The following ADGRL3 variants were observed in gnomAD, a reference collection of about 807,000 sequenced individuals.
The protein encoded by ADGRL3 is calcium-independent alpha-latrotoxin receptor 3.
Under a neutral mutation model 153.5 loss-of-function variants are expected in ADGRL3, and 62 were observed. That is an observed-to-expected ratio of 0.40 (90% confidence interval 0.33 to 0.50). ADGRL3 has a LOEUF of 0.50. Ranked by LOEUF, ADGRL3 falls within the 20% of genes least tolerant of loss-of-function variation. The probability of loss-of-function intolerance (pLI) is 0.47; values close to 1 mark genes in which losing one functional copy is unlikely to be tolerated. For missense variants in ADGRL3, 1,641 were observed against 1,859.4 expected (o/e 0.88, Z 2.16); for synonymous variants, 710 against 672.5 (o/e 1.06, Z -0.86).
intron 1 of ADGRL3, among the ~76,000 whole-genome samples, chr4:61,361,319 T>C (rs2096278610): frequency 6.6e-6 from 1 of 152,102 alleles, no homozygotes; most frequent in South Asian, 2.1e-4. Context: ...CAGAGAAAAA[T>C]AACAGCATCA....
At chr4:61,432,636 TTCTTTCTTTCTTTC>T (rs2097380414) in intron 2 of ADGRL3, among the ~76,000 whole-genome samples, 4 of 83,680 alleles carry the variant, frequency 4.8e-5, no homozygotes, top group Non-Finnish European at 1.0e-4. Flanking sequence ...CTTTCTTTCT[TTCTTTCTTTCTTTC>T]TTTCTTTTTT....
chr4:62,064,312 T>C (rs1180942416), intron 25 of ADGRL3, among the ~76,000 whole-genome samples: 2 of 151,444 alleles, frequency 1.3e-5, no homozygotes, highest in Non-Finnish European at 2.9e-5. Context: ...AGCTTGAAAA[T>C]GATCCAAAAA....
chr4:61,348,607 G>T (rs148591478), intron 1 of ADGRL3, among the ~76,000 whole-genome samples: 2,469 of 152,014 alleles, frequency 0.016, 60 homozygotes, highest in African/African-American at 0.052. Context: ...CAGAATTAAG[G>T]TTATTTAATT....
rs573616147 is a variant in ADGRL3 at position 61,368,793 on chromosome 4, G to A, written c.-239-14331G>A. 2.4e-4 allele frequency among the ~76,000 whole-genome samples: 37 copies of A among 152,228 alleles called. No homozygotes were observed. The East Asian group carries it at 5.8e-3, about 24-fold the overall frequency. On this transcript the variant is annotated intron_variant, in intron 1 of 26. Transcript: ENST00000683033. ...AGGCATTGGTAGCTTGAGGGGGATG[G>A]CATTGAATCTGTAAATTACCTTGGG...
intron 8 of ADGRL3, among the ~76,000 whole-genome samples, chr4:61,799,388 T>G (rs1218205207): frequency 6.6e-6 from 1 of 152,078 alleles, no homozygotes; most frequent in Non-Finnish European, 1.5e-5. Context: ...TGGAAGTACT[T>G]CTGCTGCAGC....
rs150974240 is a variant in ADGRL3 at position 61,508,473 on chromosome 4, G to A, written c.56-8842G>A. Among the ~76,000 whole-genome samples, 352 of 152,212 alleles carry A rather than the reference G, an allele frequency of 2.3e-3. 2 individuals are homozygous for A. Among genetic ancestry groups the A allele is most frequent in the African/African-American group, 7.9e-3 (329 of 41,544 alleles). On this transcript the variant is annotated intron_variant, in intron 3 of 26. Transcript: ENST00000683033. ...CTGATAATGACTCTAATGAGTAAAA[G>A]CAGACTATTTATTCTTTTATAAATA... is the stretch of plus-strand genomic sequence containing the variant.
intron 2 of ADGRL3, among the ~76,000 whole-genome samples, 190 bp downstream of exon 2, chr4:61,383,379 A>G (rs571606950): frequency 6.6e-6 from 1 of 151,880 alleles, no homozygotes; most frequent in East Asian, 1.9e-4. Flanking sequence ...CATTTTCCAA[A>G]AATCATATTT....
chr4:61,620,327 G>A (rs188658230), intron 5 of ADGRL3, among the ~76,000 whole-genome samples: 131 of 152,172 alleles, frequency 8.6e-4, no homozygotes, highest in African/African-American at 3.0e-3. Context: ...ATGGATGAGT[G>A]GTAACTAATT....
intron 8 of ADGRL3, among the ~76,000 whole-genome samples, chr4:61,748,738 A>T (rs1029825689): frequency 2.6e-5 from 4 of 152,274 alleles, no homozygotes; most frequent in African/African-American, 7.2e-5. Flanking sequence ...TAAATGTTAG[A>T]CCTAAAATCA....
At chr4:61,782,593 C>T (rs188688362) in intron 8 of ADGRL3, among the ~76,000 whole-genome samples, 36 of 152,160 alleles carry the variant, frequency 2.4e-4, no homozygotes, top group South Asian at 1.5e-3. Flanking sequence ...AAGAATAGTA[C>T]GGATAAATAC....
Position 61,683,144 on chromosome 4 carries a change from G to A in ADGRL3, c.583+6209G>A, listed in dbSNP as rs145606325. 3.9e-3 allele frequency among the ~76,000 whole-genome samples: 556 copies of A among 141,640 alleles called. 33 individuals carry two copies. In the East Asian group the frequency reaches 0.1, roughly 26 times the overall value. 92.9% of individuals were successfully genotyped at this position (141,640 alleles called of 152,430 possible). A position where few individuals can be genotyped will look rare whatever the true frequency, so the allele number is the denominator to read the frequency against. On this transcript the variant is annotated intron_variant, in intron 6 of 26. Transcript: ENST00000683033. ...TTTTTTTTTTTTGAGACAGGGTCTT[G>A]CTCTGTCACCCAGGCTGAAGTGCTG...
intron 9 of ADGRL3, among the ~76,000 whole-genome samples, chr4:61,889,130 C>T (rs560956433): frequency 2.0e-4 from 30 of 152,202 alleles, no homozygotes; most frequent in African/African-American, 6.7e-4. Context: ...TACTCCTAGT[C>T]GGGCACAATA....
intron 1 of ADGRL3, among the ~76,000 whole-genome samples, chr4:61,290,721 G>A (rs528322571): frequency 2.0e-5 from 3 of 151,368 alleles, no homozygotes; most frequent in African/African-American, 7.3e-5. Flanking sequence ...GAGGGAAGGG[G>A]AAGTGGGAAA....
intron 5 of ADGRL3, among the ~76,000 whole-genome samples, chr4:61,637,398 TTC>T (rs973070743): frequency 2.0e-5 from 3 of 152,080 alleles, no homozygotes; most frequent in Admixed American, 2.0e-4. Flanking sequence ...GATTATAAAT[TTC>T]TGTTGTTTTA....
rs558782930 is a variant in ADGRL3 at position 62,052,534 on chromosome 4, A to C, written c.3814+7985A>C. Among the ~76,000 whole-genome samples, 3 of 151,582 alleles carry C rather than the reference A, an allele frequency of 2.0e-5. No individual in the cohort carries two copies. In the South Asian group the frequency reaches 6.2e-4, roughly 31 times the overall value. On this transcript the variant is annotated intron_variant, in intron 25 of 26. Transcript: ENST00000683033. ...AGCCACATATTACTTTTACAAAACT[A>C]TTTTTGATATAGAATATGTTGAATT...
chr4:61,676,499 A>G (rs968721774), intron 5 of ADGRL3, among the ~76,000 whole-genome samples: 1 of 151,930 alleles, frequency 6.6e-6, no homozygotes, highest in Non-Finnish European at 1.5e-5. Flanking sequence ...TTTCCTATCA[A>G]ATAGTCTTTC....
At chr4:61,752,782 A>C (rs1407935255) in intron 8 of ADGRL3, among the ~76,000 whole-genome samples, 1 of 152,054 alleles carries the variant, frequency 6.6e-6, no homozygotes, top group Non-Finnish European at 1.5e-5. Flanking sequence ...AAAAATGCAA[A>C]AATTACCAGA....
chr4:61,486,971 G>A (rs908987100), intron 2 of ADGRL3, among the ~76,000 whole-genome samples: 4 of 152,182 alleles, frequency 2.6e-5, no homozygotes, highest in African/African-American at 9.6e-5. Flanking sequence ...ATTATTCAGA[G>A]TGAAGATATT....
In ADGRL3 at chr4:61,909,703, G is replaced by C. The variant is rs2098712822; in HGVS notation, c.2031G>C (p.Leu677Phe). The change falls in exon 12 of 27, where the codon TTG becomes TTC. Residue 677 changes from leucine (L) to phenylalanine (F), a missense_variant. By Grantham distance (22) the Leu-to-Phe change is conservative. This residue lies in a region of ADGRL3 where 734 missense variants were observed against 797.0 expected (regional missense o/e 0.92). Transcript: ENST00000683033. ...TCCTAGATGTACAGCTTCGGAACTT[G>C]ACCCCAGGTGGAAAAGATAGTGCTG... Reference protein sequence around the residue: ...VGLLDVQLRNLTPGGKDSAAR... With the variant: ...VGLLDVQLRNFTPGGKDSAAR... 1.3e-6 allele frequency: 2 copies of C among 1,581,308 alleles called. No individual in the cohort carries two copies. Among genetic ancestry groups the C allele is most frequent in the East Asian group, 2.3e-5 (1 of 43,200 alleles).
Sources: allele counts gnomAD v4.1 joint callset (sites outside exome capture counted in the v4.1 genomes callset), GRCh38; gene constraint gnomAD v4.1.1; regional missense constraint gnomAD v4.1.1; transcripts MANE v1.5; gene names NCBI Gene and HGNC (gene_info 2026-07-23, HGNC 2026-07-21).